Variants in NRXN3 observed in about 807,000 individuals in gnomAD.
NRXN3 encodes neurexin III.
Under a neutral mutation model 137.6 loss-of-function variants are expected in NRXN3, and 32 were observed. The observed-to-expected ratio is 0.23, with a 90% confidence interval of 0.18 to 0.31. NRXN3 has a LOEUF of 0.31. Among genes scored for constraint, NRXN3 ranks in the 10% least tolerant of loss-of-function variants. NRXN3 has a pLI of 1.00. For synonymous variants in NRXN3, 798 were observed against 784.5 expected, an observed-to-expected ratio of 1.02 and a Z score of -0.29; for missense variants, 1,574 against 2,062.5, an observed-to-expected ratio of 0.76 and a Z score of 4.59.
intron 15 of NRXN3, among the ~76,000 whole-genome samples, chr14:79,114,589 C>T (rs1331962308): frequency 6.6e-6 from 1 of 152,152 alleles, no homozygotes; most frequent in Non-Finnish European, 1.5e-5. Flanking sequence ...TTAAAATAAA[C>T]TATCACTTCT....
chr14:78,214,002 T>C (rs542204772), intron 1 of NRXN3, among the ~76,000 whole-genome samples: 90 of 152,336 alleles, frequency 5.9e-4, no homozygotes, highest in African/African-American at 2.1e-3. Context: ...TACCTAAGGA[T>C]ACCCTGATGT....
At chr14:78,966,978 A>G (rs1216023878) in intron 12 of NRXN3, among the ~76,000 whole-genome samples, 1 of 152,176 alleles carries the variant, frequency 6.6e-6, no homozygotes, top group African/African-American at 2.4e-5. Flanking sequence ...TCTGGAGAGT[A>G]TTAGTAGGTA....
chr14:78,939,840 G>A (rs1015154881), intron 10 of NRXN3, among the ~76,000 whole-genome samples: 1 of 152,266 alleles, frequency 6.6e-6, no homozygotes, highest in South Asian at 2.1e-4. Flanking sequence ...CAGCACACAC[G>A]TGCTCTTTTT....
chr14:79,392,736 C>T (rs964137409), intron 15 of NRXN3, among the ~76,000 whole-genome samples: 4 of 151,916 alleles, frequency 2.6e-5, no homozygotes, highest in African/African-American at 7.3e-5. Flanking sequence ...TTTTGGGAGG[C>T]CGAGGCAGGC....
intron 8 of NRXN3, among the ~76,000 whole-genome samples, chr14:78,754,292 A>C (rs1212173766): frequency 2.6e-5 from 4 of 152,132 alleles, no homozygotes; most frequent in Non-Finnish European, 5.9e-5. Context: ...TGGGGTTACA[A>C]GGCTCTGTAC....
chr14:79,818,010 C>G (rs1213695688), intron 20 of NRXN3, among the ~76,000 whole-genome samples: 1 of 150,828 alleles, frequency 6.6e-6, no homozygotes, highest in Non-Finnish European at 1.5e-5. Flanking sequence ...GGTGAGTCTC[C>G]CTTGATGTCA....
At chr14:78,527,208 A>G (rs1448118966) in intron 4 of NRXN3, among the ~76,000 whole-genome samples, 5 of 152,178 alleles carry the variant, frequency 3.3e-5, no homozygotes, top group Non-Finnish European at 7.3e-5. Flanking sequence ...ATTTATAAAG[A>G]AAGGAGGTTT....
chr14:79,211,333 T>G (rs2067632494), intron 15 of NRXN3, among the ~76,000 whole-genome samples: 2 of 152,234 alleles, frequency 1.3e-5, no homozygotes, highest in Non-Finnish European at 1.5e-5. Context: ...TTGTTTTTAT[T>G]GGGAAGAAAT....
At chr14:78,790,000 A>G (rs2098800432) in intron 8 of NRXN3, among the ~76,000 whole-genome samples, 1 of 152,202 alleles carries the variant, frequency 6.6e-6, no homozygotes, top group African/African-American at 2.4e-5. Flanking sequence ...CAATTTCAGC[A>G]CAGTGTCTGT....
intron 10 of NRXN3, among the ~76,000 whole-genome samples, chr14:78,915,030 T>C (rs991458275): frequency 2.0e-5 from 3 of 151,880 alleles, no homozygotes; most frequent in Non-Finnish European, 2.9e-5. Context: ...TTCAAAGATA[T>C]TGAGATAGTA....
At chr14:79,145,914 C>A (rs1291516266) in intron 15 of NRXN3, among the ~76,000 whole-genome samples, 1 of 152,098 alleles carries the variant, frequency 6.6e-6, no homozygotes, top group Middle Eastern at 3.2e-3. Flanking sequence ...CTAGTGAAAC[C>A]TTTTCCAAAT....
intron 8 of NRXN3, among the ~76,000 whole-genome samples, chr14:78,794,936 A>T (rs2098817018): frequency 4.3e-5 from 1 of 23,024 alleles, no homozygotes; most frequent in Non-Finnish European, 1.2e-4. Context: ...AAACAAACAA[A>T]CAAAAAAAAA....
intron 19 of NRXN3, among the ~76,000 whole-genome samples, chr14:79,721,983 A>C (rs1223074733): frequency 6.6e-6 from 1 of 152,108 alleles, no homozygotes; most frequent in African/African-American, 2.4e-5. Flanking sequence ...CAGCGAGAAG[A>C]AAATGGTCTG....
At chr14:79,618,126 A>T (rs138594813) in intron 16 of NRXN3, among the ~76,000 whole-genome samples, 2 of 152,162 alleles carry the variant, frequency 1.3e-5, no homozygotes, top group Admixed American at 6.5e-5. Context: ...GTAAGATAAT[A>T]TTCCTGTTTA....
At chr14:79,710,015 GAA>G (rs2098797065) in intron 19 of NRXN3, among the ~76,000 whole-genome samples, 1 of 152,116 alleles carries the variant, frequency 6.6e-6, no homozygotes, top group African/African-American at 2.4e-5. Context: ...CAGTTTTTAT[GAA>G]AGAGAATTAA....
At chr14:78,614,881 G>A (rs2097332255) in intron 4 of NRXN3, 2 of 452,306 alleles carry the variant, frequency 4.4e-6, no homozygotes, top group South Asian at 1.6e-5. Flanking sequence ...TAGACTAGCT[G>A]GGGGCTCAGC....
intron 20 of NRXN3, among the ~76,000 whole-genome samples, chr14:79,819,048 A>G (rs534541567): frequency 6.6e-6 from 1 of 152,338 alleles, no homozygotes; most frequent in Middle Eastern, 3.4e-3. Context: ...TCTTACTAAA[A>G]GATCATGAAA....
chr14:79,509,577 G>A (rs1201217593), intron 16 of NRXN3, among the ~76,000 whole-genome samples: 2 of 150,920 alleles, frequency 1.3e-5, no homozygotes, highest in African/African-American at 4.9e-5. Context: ...ATATATATAT[G>A]TGTGTATATA....
chr14:79,019,476 AG>A (rs1484390459), intron 15 of NRXN3, among the ~76,000 whole-genome samples: 1 of 152,190 alleles, frequency 6.6e-6, no homozygotes. Flanking sequence ...CAAATAAAGC[AG>A]GGTAAGGAGA....
Sources: allele counts gnomAD v4.1 joint callset (sites outside exome capture counted in the v4.1 genomes callset), GRCh38; gene constraint gnomAD v4.1.1; transcripts MANE v1.5; gene names NCBI Gene and HGNC (gene_info 2026-07-23, HGNC 2026-07-21).